PAX4: variants seen among roughly 807,000 people sequenced by gnomAD.
The protein encoded by PAX4 is paired box 4.
A neutral mutation model predicts 40.6 loss-of-function variants in PAX4; 33 were observed. The ratio of observed to expected loss-of-function variants is 0.81; its 90% CI spans 0.62 to 1.09. The LOEUF is 1.09. Among genes scored for constraint, PAX4 ranks in the 50% least tolerant of loss-of-function variants. The pLI is 0.00. For synonymous variants in PAX4, 174 were observed against 170.6 expected (o/e 1.02, Z -0.16); for missense variants, 459 against 442.5 (o/e 1.04, Z -0.33).
chr7:127,615,050 T>G lies in PAX4; in HGVS notation c.190A>C (p.Thr64Pro). The G allele has an allele frequency of 1.2e-6, 2 of 1,614,180 alleles. No homozygotes were observed. The highest frequency in any genetic ancestry group is 8.5e-7 in the Non-Finnish European group (1 of 1,180,024). ...ATGCCCTTTGGCTCCAAGACACCTGTGCGGTAGTAACGCCCTAGGATCTTG... is the reference window on the plus strand; with the variant it reads ...ATGCCCTTTGGCTCCAAGACACCTGGGCGGTAGTAACGCCCTAGGATCTTG... ...VSKILGRYYR[T>P]GVLEPKGIGG... Residue 64 changes from threonine to proline, a missense_variant, in exon 5 of 12, where the codon ACA becomes CCA. Transcript: ENST00000639438.
intron 3 of PAX4, 123 bp downstream of exon 3, chr7:127,615,793 T>C: frequency 1.3e-6 from 2 of 1,520,998 alleles, no homozygotes; most frequent in Non-Finnish European, 1.8e-6. Flanking sequence ...AGGGAGGGAC[T>C]GGAAAAAGCT....
Position 127,610,682 on chromosome 7 carries a change from C to A in PAX4, c.*382G>T. ...GATACATGTATTGCCTACATACATG[C>A]ATAGATTAGATGGTAGATACATAGA... On this transcript the variant is annotated 3_prime_UTR_variant, in exon 12 of 12. Coordinates refer to ENST00000639438, the MANE Select transcript of PAX4 (RefSeq NM_001366110.1). 1.6e-6 allele frequency: 1 copy of A among 608,422 alleles called. No homozygotes were observed. Among genetic ancestry groups the A allele is most frequent in the East Asian group, 2.8e-5 (1 of 36,318 alleles). The allele number at this position is 608,422 out of a possible 1,614,324, so 37.7% of individuals were successfully genotyped here.
At chr7:127,612,084 T>C in intron 9 of PAX4, 84 bp from the exon 10 acceptor site, 2 of 1,346,042 alleles carry the variant, frequency 1.5e-6, no homozygotes, top group Non-Finnish European at 2.1e-6. Context: ...GAAGGTTGGA[T>C]ACAAAGAGGT....
chr7:127,613,958 G>A, intron 6 of PAX4, 77 bp from the exon 7 acceptor site: 1 of 1,559,256 alleles, frequency 6.4e-7, no homozygotes, highest in East Asian at 2.3e-5. Context: ...GAGTCTCTGG[G>A]GCTGCAGCCG....
rs775185778 is a variant in PAX4, at chr7:127,615,072, C to A, written c.168G>T (p.Lys56Asn). The A allele has an allele frequency of 2.5e-6, 4 of 1,614,092 alleles. No homozygotes were observed. The highest frequency in any genetic ancestry group is 2.7e-5 in the African/African-American group (2 of 74,936). The part of the protein sequence containing the change: ...ILKVSNGCVS[K>N]ILGRYYRTGV... ...CTGTGCGGTAGTAACGCCCTAGGAT[C>A]TTGCTCACACAGCCATTAGATACCT... Residue 56 changes from lysine (K) to asparagine (N), a missense_variant, in exon 5 of 12, where the codon AAG becomes AAT. Coordinates refer to ENST00000639438, the MANE Select transcript of PAX4 (RefSeq NM_001366110.1).
chr7:127,611,350 C>A, intron 11 of PAX4, 144 bp from the exon 12 acceptor site: 1 of 1,342,278 alleles, frequency 7.5e-7, no homozygotes, highest in East Asian at 2.3e-5. Flanking sequence ...CCTGCTATGG[C>A]TGTCAGTGAT....
intron 6 of PAX4, 55 bp from the exon 7 acceptor site, chr7:127,613,936 G>C: frequency 6.2e-7 from 1 of 1,607,014 alleles, no homozygotes; most frequent in Non-Finnish European, 8.5e-7. Flanking sequence ...CCTCTGGTCA[G>C]ATGGGGTCCC....
At chr7:127,612,420 T>C (rs897214499) in intron 9 of PAX4, among the ~76,000 whole-genome samples, 2 of 151,476 alleles carry the variant, frequency 1.3e-5, no homozygotes, top group African/African-American at 4.9e-5. Context: ...GGTGGATGGA[T>C]GGATGAATGC....
At chr7:127,616,905 A>T (rs565689557) in intron 2 of PAX4, among the ~76,000 whole-genome samples, 34 of 152,340 alleles carry the variant, frequency 2.2e-4, no homozygotes, top group African/African-American at 8.2e-4. Context: ...CCCACAGGCC[A>T]CCATACCTCT....
intron 8 of PAX4, 56 bp from the exon 9 acceptor site, chr7:127,613,147 C>T: frequency 1.5e-6 from 2 of 1,346,142 alleles, no homozygotes; most frequent in Non-Finnish European, 2.1e-6. Flanking sequence ...CTGTCACCTG[C>T]TGATCTCACC....
At chr7:127,614,688 C>T in intron 5 of PAX4, 131 bp from the exon 6 acceptor site, 1 of 1,108,600 alleles carries the variant, frequency 9.0e-7, no homozygotes. Flanking sequence ...AGCCTCCTCT[C>T]TCTCTCTCTA....
At position 127,618,137 on chromosome 7, in the gene PAX4, C is replaced by G. The variant is rs1440677241; in HGVS notation, c.-401G>C. ...GCCCGTGCTCAAGAGCAGAGGGCAGCCTTCTGGGAGTAGCCAGTGATGTCA... is the reference window on the plus strand; with the variant it reads ...GCCCGTGCTCAAGAGCAGAGGGCAGGCTTCTGGGAGTAGCCAGTGATGTCA... On this transcript the variant is annotated 5_prime_UTR_variant, in exon 1 of 12. Coordinates refer to ENST00000639438, the MANE Select transcript of PAX4 (RefSeq NM_001366110.1). The G allele has an allele frequency of 1.3e-5, 2 of 152,530 alleles. No homozygotes were observed. The highest frequency in any genetic ancestry group is 2.9e-5 in the Non-Finnish European group (2 of 68,320). 9.4% of individuals were successfully genotyped at this position (152,530 alleles called of 1,614,324 possible).
At chr7:127,614,390 G>T in intron 6 of PAX4, 92 bp downstream of exon 6, 1 of 979,834 alleles carries the variant, frequency 1.0e-6, no homozygotes, top group Non-Finnish European at 1.6e-6. Flanking sequence ...TGTTGTGAGG[G>T]TGATCCAAGA....
chr7:127,616,521 T>A (rs327514), intron 2 of PAX4, among the ~76,000 whole-genome samples: 7,837 of 152,190 alleles, frequency 0.051, 584 homozygotes, highest in African/African-American at 0.16. Flanking sequence ...CTTGCTCCTG[T>A]TTTTTTATAC....
Position 127,614,466 on chromosome 7 carries a change from C to T in PAX4, c.436+16G>A, listed in dbSNP as rs373754596. The T allele has an allele frequency of 1.6e-4, 253 of 1,580,050 alleles. No homozygotes were observed. Among genetic ancestry groups the T allele is most frequent in the Non-Finnish European group, 1.9e-4 (220 of 1,160,394 alleles). The stretch of plus-strand genomic sequence containing the variant: ...ATTTGGCTGTGATTAGCCCTGGGGA[C>T]AACTCCAAGACCCACCTGGTGACCT... On this transcript the variant is annotated intron_variant, in intron 6 of 11. Transcript: ENST00000639438.
In PAX4 at chr7:127,610,594, T is replaced by TACAA; in HGVS notation, c.*469_*470insTTGT. On this transcript the variant is annotated 3_prime_UTR_variant, in exon 12 of 12. Coordinates refer to ENST00000639438, the MANE Select transcript of PAX4 (RefSeq NM_001366110.1). ...GTGCGCGCACGCATGCACGCATACA[T>TACAA]AATACACATATAGATGCATACATAG... 8.0e-6 allele frequency: 4 copies of TACAA among 500,266 alleles called. No homozygotes were observed. The highest frequency in any genetic ancestry group is 3.6e-5 in the East Asian group (1 of 27,822). The allele number at this position is 500,266 out of a possible 1,614,324, so 31.0% of individuals were successfully genotyped here. A position where few individuals can be genotyped will look rare whatever the true frequency, so the allele number is the denominator to read the frequency against.
chr7:127,610,572 C>A lies in PAX4; in HGVS notation c.*492G>T. The A allele has an allele frequency of 7.3e-6, 2 of 275,634 alleles. No individual in the cohort carries two copies. Among genetic ancestry groups the A allele is most frequent in the Non-Finnish European group, 1.3e-5 (2 of 156,824 alleles). 17.1% of individuals were successfully genotyped at this position (275,634 alleles called of 1,614,324 possible). A position where few individuals can be genotyped will look rare whatever the true frequency, so the allele number is the denominator to read the frequency against. The stretch of plus-strand genomic sequence containing the variant: ...GTGTGTGTGTGTGTGTGTGTGTGTG[C>A]GCGCACGCATGCACGCATACATAAT... On this transcript the variant is annotated 3_prime_UTR_variant, in exon 12 of 12. Transcript: ENST00000639438.
intron 7 of PAX4, 94 bp from the exon 8 acceptor site, chr7:127,613,626 A>T (rs1397551283): frequency 6.3e-7 from 1 of 1,584,602 alleles, no homozygotes; most frequent in African/African-American, 1.4e-5. Flanking sequence ...CTACAACCCC[A>T]AACTACCTTC....
In PAX4 at chr7:127,615,084, G is replaced by A. The variant is rs774406819; in HGVS notation, c.156C>T (p.Gly52=). The change falls in exon 5 of 12, where the codon GGC becomes GGT. Residue 52 remains glycine, a synonymous_variant. Coordinates refer to ENST00000639438, the MANE Select transcript of PAX4 (RefSeq NM_001366110.1). ...AACGCCCTAGGATCTTGCTCACACAGCCATTAGATACCTGAGTCAGGTGAG... is the reference window on the plus strand; with the variant it reads ...AACGCCCTAGGATCTTGCTCACACAACCATTAGATACCTGAGTCAGGTGAG... ...DISRILKVSN[G]CVSKILGRYY... The A allele has an allele frequency of 8.1e-6, 13 of 1,614,066 alleles. No homozygotes were observed. The highest frequency in any genetic ancestry group is 1.0e-5 in the Non-Finnish European group (12 of 1,180,056).
Sources: gnomAD v4.1 joint callset for allele counts (sites outside exome capture counted in the v4.1 genomes callset) on GRCh38, gnomAD v4.1.1 for gene constraint, MANE v1.5 for transcripts, NCBI Gene and HGNC (gene_info 2026-07-23, HGNC 2026-07-21) for gene names.